Variants in MACROD2 observed in about 807,000 individuals in gnomAD.
MACROD2 encodes mono-ADP ribosylhydrolase 2.
MACROD2 carries 36 observed loss-of-function variants against 70.4 expected under a neutral mutation model. That is an observed-to-expected ratio of 0.51 (90% CI 0.39 to 0.68). The LOEUF is 0.68. Among genes scored for constraint, MACROD2 ranks in the 30% least tolerant of loss-of-function variants. The pLI, the probability that MACROD2 is intolerant of heterozygous loss-of-function variation, is 0.00. For synonymous variants in MACROD2, 172 were observed against 178.8 expected (o/e 0.96, Z 0.30); for missense variants, 496 against 538.4 (o/e 0.92, Z 0.78).
rs2075682062 is a variant in MACROD2 at position 15,079,024 on chromosome 20, G to C, written c.419-150916G>C. On this transcript the variant is annotated intron_variant, in intron 5 of 17. Transcript: ENST00000684519. ...CCCTGCAGCCTTCTCATCCAGTTCT[G>C]TTCATTTTTCCTGTACACCATGCAC... Among the ~76,000 whole-genome samples the C allele has an allele frequency of 2.0e-5, 3 of 152,110 alleles. No homozygotes were observed. In the South Asian group the frequency reaches 6.2e-4, roughly 32 times the overall value.
intron 3 of MACROD2, among the ~76,000 whole-genome samples, chr20:14,195,469 C>T (rs2081422895): frequency 6.6e-6 from 1 of 152,082 alleles, no homozygotes; most frequent in African/African-American, 2.4e-5. Flanking sequence ...CGCCTCCAGG[C>T]CTGTGCCCAC....
intron 4 of MACROD2, among the ~76,000 whole-genome samples, chr20:14,530,314 C>T (rs548405029): frequency 6.6e-6 from 1 of 152,294 alleles, no homozygotes; most frequent in East Asian, 1.9e-4. Context: ...AGACCAACAA[C>T]AACTGCCACA....
intron 4 of MACROD2, among the ~76,000 whole-genome samples, chr20:14,642,562 T>C (rs984618685): frequency 2.6e-5 from 4 of 152,142 alleles, no homozygotes; most frequent in Non-Finnish European, 5.9e-5. Flanking sequence ...CTCCTTTCAC[T>C]TGAACAACTA....
intron 5 of MACROD2, among the ~76,000 whole-genome samples, chr20:14,733,897 G>A (rs929439714): frequency 1.3e-5 from 2 of 152,134 alleles, no homozygotes; most frequent in South Asian, 4.1e-4. Flanking sequence ...GTGCAACATT[G>A]AGCTAATTGC....
chr20:14,423,330 A>C (rs1415304038), intron 3 of MACROD2, among the ~76,000 whole-genome samples: 54 of 151,520 alleles, frequency 3.6e-4, no homozygotes, highest in Admixed American at 3.5e-3. Flanking sequence ...ACAGCTCCAT[A>C]AAAGTAGGTT....
intron 3 of MACROD2, chr20:14,323,809 A>T (rs1306848974): frequency 1.3e-5 from 2 of 152,292 alleles, no homozygotes; most frequent in East Asian, 3.9e-4. Flanking sequence ...AGGCTATTTT[A>T]AAAAAACAGT....
chr20:14,611,811 G>A (rs1321468352), intron 4 of MACROD2, among the ~76,000 whole-genome samples: 1 of 151,998 alleles, frequency 6.6e-6, no homozygotes, highest in Non-Finnish European at 1.5e-5. Context: ...GAAATATTAA[G>A]CTTTTTAAAA....
intron 5 of MACROD2, among the ~76,000 whole-genome samples, chr20:14,942,491 T>C (rs1054676785): frequency 7.2e-5 from 11 of 152,096 alleles, no homozygotes; most frequent in African/African-American, 2.7e-4. Flanking sequence ...TGCTCCACGG[T>C]GTATCACCTT....
chr20:15,933,508 G>A (rs759896106), intron 11 of MACROD2, 170 bp downstream of exon 11: 86 of 555,432 alleles, frequency 1.5e-4, no homozygotes, highest in Middle Eastern at 9.1e-4. Flanking sequence ...TATGAGTTGA[G>A]TGCTTTCAAA....
chr20:15,357,110 TA>T lies in MACROD2; in HGVS notation c.541-74285del, dbSNP rs896129537. On this transcript the variant is annotated intron_variant, in intron 6 of 17. Coordinates refer to ENST00000684519, the MANE Select transcript of MACROD2 (RefSeq NM_001351661.2). ...TTAATGAAACCATCTCATCAAAGAG[TA>T]AAAAAAAAAGTAGATTTGTCTTAGA... 5.4e-3 allele frequency among the ~76,000 whole-genome samples: 794 copies of T among 147,152 alleles called. 4 individuals carry two copies. Among genetic ancestry groups the T allele is most frequent in the African/African-American group, 0.018 (721 of 40,326 alleles).
intron 8 of MACROD2, among the ~76,000 whole-genome samples, chr20:15,764,288 C>T (rs912196895): frequency 5.9e-5 from 9 of 152,202 alleles, no homozygotes; most frequent in African/African-American, 2.2e-4. Flanking sequence ...AAGATGAACA[C>T]TGTCACATAT....
chr20:15,812,265 C>T (rs535792883), intron 8 of MACROD2, among the ~76,000 whole-genome samples: 1 of 152,136 alleles, frequency 6.6e-6, no homozygotes, highest in Non-Finnish European at 1.5e-5. Context: ...AGTCCTTTCT[C>T]TTATTATTTT....
chr20:15,193,712 C>CCCA (rs1234106409), intron 5 of MACROD2, among the ~76,000 whole-genome samples: 2 of 151,804 alleles, frequency 1.3e-5, no homozygotes, highest in Non-Finnish European at 2.9e-5. Context: ...CACGCTGGCT[C>CCCA]CCACCCTCAT....
intron 8 of MACROD2, among the ~76,000 whole-genome samples, chr20:15,535,509 C>T (rs561268939): frequency 2.5e-4 from 38 of 152,282 alleles, no homozygotes; most frequent in African/African-American, 8.7e-4. Flanking sequence ...TGGGAACTAC[C>T]GTTTTACACT....
At chr20:14,040,379 G>A (rs2053375381) in intron 2 of MACROD2, among the ~76,000 whole-genome samples, 1 of 151,882 alleles carries the variant, frequency 6.6e-6, no homozygotes, top group South Asian at 2.1e-4. Context: ...AAAGAAAAAA[G>A]GTATAATTTT....
intron 2 of MACROD2, among the ~76,000 whole-genome samples, chr20:14,072,521 A>G (rs1428661993): frequency 6.6e-6 from 1 of 152,142 alleles, no homozygotes; most frequent in African/African-American, 2.4e-5. Context: ...ACTTGGTCAA[A>G]CCACTTCATT....
At chr20:14,329,631 C>T (rs1341911831) in intron 3 of MACROD2, among the ~76,000 whole-genome samples, 1 of 151,936 alleles carries the variant, frequency 6.6e-6, no homozygotes, top group Non-Finnish European at 1.5e-5. Context: ...AAATCATATG[C>T]ATAAAATGAT....
chr20:15,596,875 A>G (rs2048752632), intron 8 of MACROD2, among the ~76,000 whole-genome samples: 1 of 152,186 alleles, frequency 6.6e-6, no homozygotes, highest in African/African-American at 2.4e-5. Context: ...AATTCTGAAT[A>G]TGCATATTCT....
intron 5 of MACROD2, among the ~76,000 whole-genome samples, chr20:14,697,730 T>C (rs955555600): frequency 6.6e-6 from 1 of 152,208 alleles, no homozygotes; most frequent in African/African-American, 2.4e-5. Flanking sequence ...TTGTTCATCA[T>C]GGTAATTAGC....
Sources: gnomAD v4.1 joint callset for allele counts (sites outside exome capture counted in the v4.1 genomes callset) on GRCh38, gnomAD v4.1.1 for gene constraint, MANE v1.5 for transcripts, NCBI Gene and HGNC (gene_info 2026-07-23, HGNC 2026-07-21) for gene names.